The following RFX7 variants were observed in gnomAD, a reference collection of about 807,000 sequenced individuals.
RFX7 encodes the protein DNA-binding protein RFX7.
Under a neutral mutation model 111.8 loss-of-function variants are expected in RFX7, and 26 were observed. The observed-to-expected ratio is 0.23, with a 90% CI of 0.17 to 0.32. RFX7 has a LOEUF of 0.32. Among genes scored for constraint, RFX7 ranks in the 10% least tolerant of loss-of-function variants. The pLI, the probability that RFX7 is intolerant of heterozygous loss-of-function variation, is 1.00. For synonymous variants in RFX7, 624 were observed against 624.4 expected (o/e 1.00, Z 0.01); for missense variants, 1,573 against 1,772.9 (o/e 0.89, Z 2.02).
chr15:56,207,772 C>A (rs1453620427), intron 2 of RFX7, among the ~76,000 whole-genome samples: 4 of 152,054 alleles, frequency 2.6e-5, no homozygotes, highest in African/African-American at 9.7e-5. Flanking sequence ...ACACTAAGCC[C>A]TACAAGATAA....
intron 2 of RFX7, among the ~76,000 whole-genome samples, chr15:56,224,029 T>C (rs1260979889): frequency 4.6e-5 from 7 of 152,118 alleles, no homozygotes; most frequent in Non-Finnish European, 8.8e-5. Flanking sequence ...GCAGTCTTTT[T>C]TTTTTTTGAA....
At chr15:56,185,622 ATATTCCTTT>A (rs61380645) in intron 2 of RFX7, among the ~76,000 whole-genome samples, 5,536 of 152,202 alleles carry the variant, frequency 0.036, 363 homozygotes, top group African/African-American at 0.12. Flanking sequence ...TCTTGGTAGT[ATATTCCTTT>A]AATCATGATC....
At chr15:56,135,451 T>C (rs1399215702) in intron 5 of RFX7, among the ~76,000 whole-genome samples, 1 of 152,148 alleles carries the variant, frequency 6.6e-6, no homozygotes, top group African/African-American at 2.4e-5. Flanking sequence ...CACCCACTTT[T>C]TGATGGGGCT....
rs115397906 is a variant in RFX7 at position 56,089,895 on chromosome 15, C to T, written c.*3450G>A. 1.1e-3 allele frequency: 171 copies of T among 152,200 alleles called. No individual in the cohort carries two copies. Among genetic ancestry groups the T allele is most frequent in the African/African-American group, 3.9e-3 (162 of 41,548 alleles). 9.4% of individuals were successfully genotyped at this position (152,200 alleles called of 1,614,324 possible). A position where few individuals can be genotyped will look rare whatever the true frequency, so the allele number is the denominator to read the frequency against. ...TGATAGTGGAACTATCACAGATCTA[C>T]AAAGATCTATGTAAACAGAGGAGTA... On this transcript the variant is annotated 3_prime_UTR_variant, in exon 10 of 10. Transcript: ENST00000559447.
intron 2 of RFX7, among the ~76,000 whole-genome samples, chr15:56,223,566 T>G (rs1202765313): frequency 1.3e-5 from 2 of 152,176 alleles, no homozygotes; most frequent in Non-Finnish European, 2.9e-5. Context: ...CATTACCCCA[T>G]TAAGGCTGGT....
intron 5 of RFX7, among the ~76,000 whole-genome samples, chr15:56,124,144 C>T (rs755078350): frequency 5.9e-5 from 9 of 152,180 alleles, no homozygotes; most frequent in East Asian, 1.9e-4. Flanking sequence ...AAACATCTGC[C>T]GGGTGCAGTG....
intron 5 of RFX7, among the ~76,000 whole-genome samples, chr15:56,116,696 C>G (rs1028168043): frequency 6.6e-6 from 1 of 152,050 alleles, no homozygotes. Flanking sequence ...CAGGGAAATG[C>G]AAGTTAAAAC....
chr15:56,100,373 T>C (rs1249257623), intron 8 of RFX7, among the ~76,000 whole-genome samples: 4 of 152,178 alleles, frequency 2.6e-5, no homozygotes, highest in African/African-American at 9.7e-5. Context: ...TCTGTGACAC[T>C]CTTTTTCTGA....
intron 3 of RFX7, among the ~76,000 whole-genome samples, chr15:56,166,900 G>A (rs1292001297): frequency 3.3e-5 from 5 of 152,040 alleles, no homozygotes; most frequent in African/African-American, 1.2e-4. Flanking sequence ...TACCATGCCT[G>A]GTTACGGAAC....
intron 5 of RFX7, among the ~76,000 whole-genome samples, chr15:56,109,029 C>A: frequency 6.6e-6 from 1 of 152,068 alleles, no homozygotes; most frequent in African/African-American, 2.4e-5. Flanking sequence ...TTCTCCCTCT[C>A]CCTCTCCCTC....
intron 3 of RFX7, among the ~76,000 whole-genome samples, chr15:56,158,310 C>T (rs187864945): frequency 2.4e-4 from 37 of 152,028 alleles, no homozygotes; most frequent in Admixed American, 4.6e-4. Flanking sequence ...TAAAACACAG[C>T]GACAAAATGC....
intron 2 of RFX7, among the ~76,000 whole-genome samples, chr15:56,180,911 C>T (rs1223073862): frequency 2.6e-5 from 4 of 151,876 alleles, no homozygotes; most frequent in East Asian, 1.9e-4. Context: ...AGCAAGACTC[C>T]GTCTCCAAAA....
rs998022690 is a variant in RFX7 at position 56,137,581 on chromosome 15, A to G, written c.401+5197T>C. ...AAAAAACCAGCTCCTGGATTGATTA[A>G]TTTTTTGAAGGGTTTTTTGTGTCTC... On this transcript the variant is annotated intron_variant, in intron 5 of 9. Coordinates refer to ENST00000559447, the MANE Select transcript of RFX7 (RefSeq NM_022841.7). Among the ~76,000 whole-genome samples, 4 of 151,886 alleles carry G rather than the reference A, an allele frequency of 2.6e-5. No homozygotes were observed. In the South Asian group the frequency reaches 8.3e-4, roughly 31 times the overall value.
chr15:56,162,461 T>C (rs1045139971), intron 3 of RFX7, among the ~76,000 whole-genome samples: 1 of 152,056 alleles, frequency 6.6e-6, no homozygotes, highest in Non-Finnish European at 1.5e-5. Context: ...TTAATGAAAA[T>C]TGCATTTCTT....
At chr15:56,185,545 T>G (rs879375776) in intron 2 of RFX7, among the ~76,000 whole-genome samples, 1 of 152,164 alleles carries the variant, frequency 6.6e-6, no homozygotes, top group Non-Finnish European at 1.5e-5. Flanking sequence ...AATTTTTGCC[T>G]TCTTAACTCT....
At chr15:56,102,041 A>ATTTTTTTTT in intron 7 of RFX7, 128 bp downstream of exon 7, 1 of 645,972 alleles carries the variant, frequency 1.5e-6, no homozygotes, top group Non-Finnish European at 2.6e-6. Context: ...CCACTGTGTG[A>ATTTTTTTTT]TTTTTTTTTT....
chr15:56,217,210 TAAG>T (rs1355902363), intron 2 of RFX7, among the ~76,000 whole-genome samples: 6 of 152,286 alleles, frequency 3.9e-5, no homozygotes, highest in East Asian at 1.9e-4. Flanking sequence ...CTCCTAAGAA[TAAG>T]AAGACAAATG....
Position 56,128,535 on chromosome 15 carries a change from T to C in RFX7, c.401+14243A>G, listed in dbSNP as rs202243533. Reference sequence around the variant, plus strand: ...AACGTTTGACAGATATCCAACAAACTAGTAACAAAATGGAAATTCCTTGAC... The same window carrying C: ...AACGTTTGACAGATATCCAACAAACCAGTAACAAAATGGAAATTCCTTGAC... On this transcript the variant is annotated intron_variant, in intron 5 of 9. Coordinates refer to ENST00000559447, the MANE Select transcript of RFX7 (RefSeq NM_022841.7). Among the ~76,000 whole-genome samples the C allele has an allele frequency of 1.8e-4, 27 of 152,208 alleles. No homozygotes were observed. The East Asian group carries it at 4.6e-3, about 26-fold the overall frequency.
intron 5 of RFX7, among the ~76,000 whole-genome samples, chr15:56,136,519 G>A (rs1372447787): frequency 7.2e-6 from 1 of 138,490 alleles, no homozygotes; most frequent in Admixed American, 7.5e-5. Flanking sequence ...ATTTTGGGCT[G>A]AGACAATGGG....
Sources: allele counts gnomAD v4.1 joint callset (sites outside exome capture counted in the v4.1 genomes callset), GRCh38; gene constraint gnomAD v4.1.1; transcripts MANE v1.5; gene names NCBI Gene and HGNC (gene_info 2026-07-23, HGNC 2026-07-21).